The following RYR2 variants were observed in gnomAD, a reference collection of about 807,000 sequenced individuals.
RYR2 encodes ryanodine receptor 2.
Under a neutral mutation model 601.1 loss-of-function variants are expected in RYR2, and 227 were observed. The observed-to-expected ratio is 0.38, with a 90% CI of 0.34 to 0.42. The LOEUF is 0.42. Ranked by LOEUF, RYR2 falls within the 10% of genes least tolerant of loss-of-function variation. The pLI is 1.00. For synonymous variants in RYR2, 2,223 were observed against 2,175.1 expected (o/e 1.02, Z -0.61); for missense variants, 4,646 against 6,156.5 (o/e 0.75, Z 8.21).
At chr1:237,803,406 C>T (rs914898641) in intron 98 of RYR2, among the ~76,000 whole-genome samples, 1 of 152,104 alleles carries the variant, frequency 6.6e-6, no homozygotes, top group African/African-American at 2.4e-5. Flanking sequence ...TGGGTTCACA[C>T]CATTCTGCCT....
intron 97 of RYR2, among the ~76,000 whole-genome samples, chr1:237,800,482 TCTC>T (rs949124614): frequency 1.3e-5 from 2 of 152,036 alleles, no homozygotes; most frequent in African/African-American, 4.8e-5. Context: ...GTGAAAAAAA[TCTC>T]CTAAAAAGTC....
Position 237,655,913 on chromosome 1 carries a change from C to T in RYR2, c.8058C>T (p.Val2686=), listed in dbSNP as rs761566087. 14 of 1,612,556 alleles carry T rather than the reference C, an allele frequency of 8.7e-6. No individual in the cohort carries two copies. In the Admixed American group the frequency reaches 1.8e-4, roughly 21 times the overall value. ...LPPDYMESNY[V]SMMEKQSSMD... ...CAGACTACATGGAGTCAAATTATGTCAGTATGATGGAAAAACAGTCATCAA... is the reference window on the plus strand; with the variant it reads ...CAGACTACATGGAGTCAAATTATGTTAGTATGATGGAAAAACAGTCATCAA... Residue 2686 remains valine, a synonymous_variant, in exon 53 of 105, where the codon GTC becomes GTT. Transcript: ENST00000366574.
Position 237,792,258 on chromosome 1 carries a change from C to T in RYR2, c.13717C>T (p.Arg4573Cys), listed in dbSNP as rs764900002. The part of the protein sequence containing the change: ...ESSGYMEPTL[R>C]ILAILHTVIS... ...CAGCGGCTACATGGAGCCCACGTTG[C>T]GTATCTTAGCTATTCTGCACACGGT... The change falls in exon 94 of 105, where the codon CGT becomes TGT. Residue 4573 changes from arginine to cysteine, a missense_variant. Transcript: ENST00000366574. 4 of 1,613,602 alleles carry T rather than the reference C, an allele frequency of 2.5e-6. No individual in the cohort carries two copies. The highest frequency in any genetic ancestry group is 2.5e-6 in the Non-Finnish European group (3 of 1,179,786).
chr1:237,776,996 A>G (rs1694717864), intron 87 of RYR2, among the ~76,000 whole-genome samples: 1 of 152,154 alleles, frequency 6.6e-6, no homozygotes, highest in African/African-American at 2.4e-5. Flanking sequence ...AGTAGTCCAT[A>G]TAAGAAACAC....
At chr1:237,359,880 G>T (rs936535816) in intron 4 of RYR2, among the ~76,000 whole-genome samples, 2 of 152,110 alleles carry the variant, frequency 1.3e-5, no homozygotes, top group African/African-American at 4.8e-5. Context: ...CTATACCATT[G>T]GTTTCCAATG....
In RYR2 at chr1:237,416,160, G is replaced by C. The variant is rs527270064; in HGVS notation, c.774-889G>C. On this transcript the variant is annotated intron_variant, in intron 10 of 104. Transcript: ENST00000366574. ...AAGGTCACTTGATGACTTTAGCAAA[G>C]TCTGTTTCAGTGGAGAAATGGGTCT... 2.5e-4 allele frequency among the ~76,000 whole-genome samples: 38 copies of C among 152,304 alleles called. No individual in the cohort carries two copies. In the South Asian group the frequency reaches 7.5e-3, roughly 30 times the overall value.
At chr1:237,105,431 T>C (rs1024379107) in intron 1 of RYR2, among the ~76,000 whole-genome samples, 7 of 152,156 alleles carry the variant, frequency 4.6e-5, no homozygotes, top group African/African-American at 1.2e-4. Context: ...GCACAATGGC[T>C]TACACCTGTA....
At position 237,160,212 on chromosome 1, in the gene RYR2, T is replaced by G. The variant is rs530615040; in HGVS notation, c.49-110285T>G. ...GTTCAATTTACAAAACAAGTTTATA[T>G]GTATTATTTGTATTTCGTTAGGATC... On this transcript the variant is annotated intron_variant, in intron 1 of 104. Coordinates refer to ENST00000366574, the MANE Select transcript of RYR2 (RefSeq NM_001035.3). Among the ~76,000 whole-genome samples the G allele has an allele frequency of 7.9e-5, 12 of 152,336 alleles. No homozygotes were observed. In the South Asian group the frequency reaches 2.5e-3, roughly 32 times the overall value.
intron 10 of RYR2, among the ~76,000 whole-genome samples, chr1:237,411,347 G>A (rs941079079): frequency 2.0e-5 from 3 of 152,132 alleles, no homozygotes; most frequent in African/African-American, 4.8e-5. Flanking sequence ...GCACTGAAGT[G>A]ACTGATTTAT....
Position 237,408,077 on chromosome 1 carries a change from C to T in RYR2, c.774-8972C>T, listed in dbSNP as rs570038139. 8.5e-5 allele frequency among the ~76,000 whole-genome samples: 13 copies of T among 152,124 alleles called. No individual in the cohort carries two copies. In the South Asian group the frequency reaches 1.9e-3, roughly 22 times the overall value. On this transcript the variant is annotated intron_variant, in intron 10 of 104. Transcript: ENST00000366574. ...GGTTTTTAATTTTAATGAAGCCCAA[C>T]TTACCAATTTTTTATTTCATGAATT...
At chr1:237,269,112 A>G (rs372070462) in intron 1 of RYR2, among the ~76,000 whole-genome samples, 3,551 of 120,306 alleles carry the variant, frequency 0.03, 500 homozygotes, top group African/African-American at 0.099. Context: ...GCACGATCTC[A>G]GCTCACTGCA....
chr1:237,703,413 C>G (rs928036558), intron 66 of RYR2, among the ~76,000 whole-genome samples: 4 of 151,224 alleles, frequency 2.6e-5, no homozygotes, highest in East Asian at 3.9e-4. Flanking sequence ...ATTTGTGTTT[C>G]TTTACTTTAT....
At chr1:237,186,888 C>G (rs1214259381) in intron 1 of RYR2, among the ~76,000 whole-genome samples, 1 of 152,224 alleles carries the variant, frequency 6.6e-6, no homozygotes, top group Non-Finnish European at 1.5e-5. Flanking sequence ...GAGGCTGCAG[C>G]CCGCATTGAG....
intron 10 of RYR2, among the ~76,000 whole-genome samples, chr1:237,391,768 A>G (rs1448728761): frequency 6.6e-6 from 1 of 152,152 alleles, no homozygotes; most frequent in Non-Finnish European, 1.5e-5. Flanking sequence ...TTACCTATTC[A>G]TTCTCCTAAA....
intron 50 of RYR2, among the ~76,000 whole-genome samples, chr1:237,651,179 A>G (rs1682691554): frequency 6.6e-6 from 1 of 152,218 alleles, no homozygotes; most frequent in Non-Finnish European, 1.5e-5. Context: ...CATCTTCTGT[A>G]TCAAAGAAGG....
At chr1:237,802,076 T>C (rs566904917) in intron 98 of RYR2, 160 bp downstream of exon 98, 1 of 441,544 alleles carries the variant, frequency 2.3e-6, no homozygotes, top group Admixed American at 3.7e-5. Context: ...ATATGATTAA[T>C]GAGCCCATCT....
At chr1:237,549,683 T>A (rs1212783297) in intron 26 of RYR2, among the ~76,000 whole-genome samples, 1 of 130,050 alleles carries the variant, frequency 7.7e-6, no homozygotes, top group Non-Finnish European at 1.6e-5. Context: ...GGTGGGAACA[T>A]CCACAGCCTC....
chr1:237,761,251 C>G (rs1438796848), intron 84 of RYR2, among the ~76,000 whole-genome samples: 1 of 152,140 alleles, frequency 6.6e-6, no homozygotes, highest in East Asian at 1.9e-4. Flanking sequence ...TTGCCAGCTG[C>G]CTTTCCCCTT....
At chr1:237,798,664 A>G (rs1773455) in intron 97 of RYR2, among the ~76,000 whole-genome samples, 102,759 of 151,654 alleles carry the variant, frequency 0.68, 35,231 homozygotes, top group East Asian at 0.95. Context: ...ATAATATACC[A>G]TCATACCATT....
Sources: allele counts gnomAD v4.1 joint callset (sites outside exome capture counted in the v4.1 genomes callset), GRCh38; gene constraint gnomAD v4.1.1; transcripts MANE v1.5; gene names NCBI Gene and HGNC (gene_info 2026-07-23, HGNC 2026-07-21).